The following CDKAL1 variants were observed in gnomAD, a reference collection of about 807,000 sequenced individuals.
The protein encoded by CDKAL1 is threonylcarbamoyladenosine tRNA methylthiotransferase.
In CDKAL1, 32 loss-of-function variants were observed where a neutral mutation model predicts 68.2. That is an observed-to-expected ratio of 0.47 (90% CI 0.35 to 0.63). CDKAL1 has a LOEUF of 0.63. CDKAL1 is among the 30% of genes least tolerant of loss of function. The pLI is 0.00. For missense variants in CDKAL1, 606 were observed against 696.7 expected, an observed-to-expected ratio of 0.87 and a Z score of 1.47; for synonymous variants, 234 against 244.3, an observed-to-expected ratio of 0.96 and a Z score of 0.39.
intron 9 of CDKAL1, among the ~76,000 whole-genome samples, chr6:20,916,137 T>G (rs1762714525): frequency 6.6e-6 from 1 of 152,208 alleles, no homozygotes; most frequent in Admixed American, 6.5e-5. Flanking sequence ...TATAATGCAA[T>G]AAAATTTATA....
intron 8 of CDKAL1, among the ~76,000 whole-genome samples, chr6:20,809,847 A>T (rs1776721456): frequency 6.6e-6 from 1 of 152,208 alleles, no homozygotes; most frequent in Admixed American, 6.5e-5. Flanking sequence ...GTCTCTTTTA[A>T]GATATGTAAC....
At chr6:21,173,159 C>T (rs1286843731) in intron 13 of CDKAL1, among the ~76,000 whole-genome samples, 3 of 151,668 alleles carry the variant, frequency 2.0e-5, no homozygotes, top group African/African-American at 7.3e-5. Flanking sequence ...CCCCACACAC[C>T]CAAAAATACT....
chr6:20,785,559 C>T (rs1775637422), intron 8 of CDKAL1, among the ~76,000 whole-genome samples: 1 of 152,084 alleles, frequency 6.6e-6, no homozygotes, highest in African/African-American at 2.4e-5. Flanking sequence ...GATCCACCCA[C>T]CTCAGCCTCC....
chr6:20,728,462 C>T (rs986146064), intron 5 of CDKAL1, among the ~76,000 whole-genome samples: 3 of 152,010 alleles, frequency 2.0e-5, no homozygotes, highest in African/African-American at 4.8e-5. Flanking sequence ...ATAGGTGACA[C>T]CCACAAAAGA....
At chr6:21,189,213 G>C (rs890570681) in intron 13 of CDKAL1, among the ~76,000 whole-genome samples, 2 of 152,072 alleles carry the variant, frequency 1.3e-5, no homozygotes, top group Non-Finnish European at 1.5e-5. Flanking sequence ...CCTCGGGCCT[G>C]GTCTTTGTAT....
chr6:20,896,143 C>T (rs1466204101), intron 9 of CDKAL1, among the ~76,000 whole-genome samples: 1 of 133,164 alleles, frequency 7.5e-6, no homozygotes, highest in African/African-American at 2.8e-5. Flanking sequence ...GCTCTGTTGC[C>T]AGACTGGAGT....
In CDKAL1 at chr6:21,180,962, G is replaced by A. The variant is rs1302274999; in HGVS notation, c.1300-17059G>A. 3.3e-5 allele frequency among the ~76,000 whole-genome samples: 5 copies of A among 152,090 alleles called. No individual in the cohort carries two copies. In the East Asian group the frequency reaches 7.7e-4, roughly 23 times the overall value. On this transcript the variant is annotated intron_variant, in intron 13 of 15. Coordinates refer to ENST00000274695, the MANE Select transcript of CDKAL1 (RefSeq NM_017774.3). Reference sequence around the variant, plus strand: ...AAATTTATTTCTCACAGTTCTAGAGGCCGTGAAGTCCAAGAGCCTGGCAGC... The same window carrying A: ...AAATTTATTTCTCACAGTTCTAGAGACCGTGAAGTCCAAGAGCCTGGCAGC...
intron 5 of CDKAL1, among the ~76,000 whole-genome samples, chr6:20,735,519 T>A (rs1451815804): frequency 6.6e-6 from 1 of 152,138 alleles, no homozygotes; most frequent in African/African-American, 2.4e-5. Context: ...TACCTCCCAC[T>A]GGGCTCCTCC....
At chr6:21,193,087 G>A (rs1383454824) in intron 13 of CDKAL1, among the ~76,000 whole-genome samples, 1 of 152,056 alleles carries the variant, frequency 6.6e-6, no homozygotes, top group Non-Finnish European at 1.5e-5. Context: ...CCCGAATGCT[G>A]GGATTACAGG....
chr6:20,935,128 T>A (rs1231265342), intron 9 of CDKAL1, among the ~76,000 whole-genome samples: 1 of 152,086 alleles, frequency 6.6e-6, no homozygotes, highest in Non-Finnish European at 1.5e-5. Flanking sequence ...ACTCGTGACC[T>A]CAAGATCCGC....
chr6:21,052,735 C>T (rs560946252), intron 11 of CDKAL1, among the ~76,000 whole-genome samples: 61 of 150,914 alleles, frequency 4.0e-4, no homozygotes, highest in Middle Eastern at 3.2e-3. Context: ...ACTTCTTGGC[C>T]GGGTGCAGTT....
chr6:20,811,230 G>A (rs931591869), intron 8 of CDKAL1, among the ~76,000 whole-genome samples: 16 of 152,140 alleles, frequency 1.1e-4, no homozygotes, highest in African/African-American at 3.6e-4. Context: ...AGTTAAGTAG[G>A]CCCAAGGCCT....
rs201700133 is a variant in CDKAL1 at position 20,846,060 on chromosome 6, T to G, written c.639-15T>G. 154 of 1,551,274 alleles carry G rather than the reference T, an allele frequency of 9.9e-5. No homozygotes were observed. The highest frequency in any genetic ancestry group is 7.6e-4 in the Admixed American group (44 of 57,564). ...TTAGAAATTTGAGTCTTATTTATTG[T>G]TATCATTTGAACAGGTGTCTCAATG... On this transcript the variant is annotated splice_polypyrimidine_tract_variant and intron_variant, in intron 8 of 15. Transcript: ENST00000274695.
chr6:21,188,981 A>G (rs1778130593), intron 13 of CDKAL1, among the ~76,000 whole-genome samples: 1 of 152,136 alleles, frequency 6.6e-6, no homozygotes, highest in Non-Finnish European at 1.5e-5. Flanking sequence ...TCAGTGTGGC[A>G]TTTCCTGTGT....
intron 10 of CDKAL1, among the ~76,000 whole-genome samples, chr6:20,973,821 T>G (rs186790235): frequency 1.5e-4 from 23 of 152,198 alleles, no homozygotes; most frequent in African/African-American, 3.4e-4. Context: ...CCCAGGCTAG[T>G]CTCGAACTCC....
At position 20,758,637 on chromosome 6, in the gene CDKAL1, A is replaced by G; in HGVS notation, c.511A>G (p.Ile171Val). The change falls in exon 7 of 16, where the codon ATT (isoleucine) becomes GTT (valine). Residue 171 changes from isoleucine to valine, a missense_variant. Physicochemically the swap from Ile to Val is conservative, Grantham distance 29. Transcript: ENST00000274695. ...DRVVEVVEET[I>V]KGHSVRLLGQ... ...TGTGGTAGAAGTTGTGGAGGAGACA[A>G]TTAAAGGTAATCGTTGAAAGTGAGA... The G allele has an allele frequency of 1.2e-6, 2 of 1,609,662 alleles. No individual in the cohort carries two copies. Among genetic ancestry groups the G allele is most frequent in the Non-Finnish European group, 1.7e-6 (2 of 1,177,814 alleles).
intron 13 of CDKAL1, among the ~76,000 whole-genome samples, chr6:21,191,854 G>A (rs1013726141): frequency 1.3e-4 from 19 of 151,836 alleles, no homozygotes; most frequent in African/African-American, 4.3e-4. Flanking sequence ...GCTGGGGGCC[G>A]TGTTTCCCAG....
intron 11 of CDKAL1, among the ~76,000 whole-genome samples, chr6:21,048,730 T>A (rs1406319280): frequency 6.6e-6 from 1 of 152,170 alleles, no homozygotes; most frequent in Non-Finnish European, 1.5e-5. Flanking sequence ...TAAATTATTC[T>A]TCCCGAGACC....
At chr6:21,228,915 C>T (rs1387938382) in intron 15 of CDKAL1, among the ~76,000 whole-genome samples, 1 of 152,158 alleles carries the variant, frequency 6.6e-6, no homozygotes, top group African/African-American at 2.4e-5. Flanking sequence ...AGAGCTGTCT[C>T]CTGGGGATGG....
Sources: allele counts gnomAD v4.1 joint callset (sites outside exome capture counted in the v4.1 genomes callset), GRCh38; gene constraint gnomAD v4.1.1; transcripts MANE v1.5; gene names NCBI Gene and HGNC (gene_info 2026-07-23, HGNC 2026-07-21).